Variants in LRBA observed in about 807,000 individuals in gnomAD.
LRBA encodes the protein lipopolysaccharide-responsive and beige-like anchor protein.
LRBA carries 176 observed loss-of-function variants against 330.0 expected under a neutral mutation model. The ratio of observed to expected loss-of-function variants is 0.53; its 90% CI spans 0.47 to 0.60. LRBA has a LOEUF of 0.60. LRBA is among the 20% of genes least tolerant of loss of function. The pLI is 0.00. For synonymous variants in LRBA, 1,230 were observed against 1,193.0 expected, an observed-to-expected ratio of 1.03 and a Z score of -0.64; for missense variants, 3,259 against 3,444.8, an observed-to-expected ratio of 0.95 and a Z score of 1.35.
At chr4:150,697,582 A>AT (rs1028848221) in intron 36 of LRBA, among the ~76,000 whole-genome samples, 17 of 151,236 alleles carry the variant, frequency 1.1e-4, no homozygotes, top group South Asian at 1.0e-3. Flanking sequence ...TAACTAATAC[A>AT]TTTTTTTTAC....
intron 56 of LRBA, among the ~76,000 whole-genome samples, chr4:150,266,407 C>A (rs1170694376): frequency 6.6e-6 from 1 of 152,220 alleles, no homozygotes; most frequent in Non-Finnish European, 1.5e-5. Context: ...ACCGAAATCA[C>A]TGAAGATAAG....
chr4:150,675,420 A>T lies in LRBA; in HGVS notation c.5921+8131T>A, dbSNP rs78950445. On this transcript the variant is annotated intron_variant, in intron 37 of 56. Transcript: ENST00000651943. Reference sequence around the variant, plus strand: ...TAAGATACGATGAGATAATCCTTATAAAAATACTTGGCACAGGGCTGGGCG... The same window carrying T: ...TAAGATACGATGAGATAATCCTTATTAAAATACTTGGCACAGGGCTGGGCG... 3.1e-3 allele frequency among the ~76,000 whole-genome samples: 475 copies of T among 152,252 alleles called. 2 individuals are homozygous for T. Among genetic ancestry groups the T allele is most frequent in the Non-Finnish European group, 4.8e-3 (328 of 68,006 alleles).
At chr4:150,519,113 C>T (rs1432080820) in intron 40 of LRBA, among the ~76,000 whole-genome samples, 1 of 151,942 alleles carries the variant, frequency 6.6e-6, no homozygotes, top group African/African-American at 2.4e-5. Context: ...AAGTCAATTC[C>T]TTATAATACA....
intron 40 of LRBA, among the ~76,000 whole-genome samples, chr4:150,576,682 T>A (rs1160135016): frequency 6.6e-6 from 1 of 151,936 alleles, no homozygotes; most frequent in African/African-American, 2.4e-5. Flanking sequence ...AATACAAGAA[T>A]TATATTTGTA....
intron 35 of LRBA, among the ~76,000 whole-genome samples, chr4:150,739,561 A>G (rs1731666184): frequency 1.3e-5 from 2 of 152,166 alleles, no homozygotes; most frequent in South Asian, 2.1e-4. Context: ...TTTAGAGTGT[A>G]AGAAGGAGAT....
chr4:150,642,358 T>C (rs1778764761), intron 37 of LRBA, among the ~76,000 whole-genome samples: 1 of 151,978 alleles, frequency 6.6e-6, no homozygotes, highest in African/African-American at 2.4e-5. Context: ...GATAAGCTTT[T>C]AAAATTAGTT....
chr4:150,685,755 T>G (rs1306752393), intron 36 of LRBA, among the ~76,000 whole-genome samples: 2 of 151,848 alleles, frequency 1.3e-5, no homozygotes, highest in African/African-American at 4.8e-5. Flanking sequence ...TATCTTAGTC[T>G]GTGCAAAACA....
At chr4:150,777,704 G>A (rs1737584139) in intron 34 of LRBA, among the ~76,000 whole-genome samples, 1 of 152,076 alleles carries the variant, frequency 6.6e-6, no homozygotes, top group Non-Finnish European at 1.5e-5. Flanking sequence ...AACTGGCCAG[G>A]TGCAGTGGCT....
rs375982773 is a variant in LRBA at position 150,645,260 on chromosome 4, G to A, written c.5921+38291C>T. On this transcript the variant is annotated intron_variant, in intron 37 of 56. Coordinates refer to ENST00000651943, the MANE Select transcript of LRBA (RefSeq NM_001364905.1). ...TATTATCACACACTAAATGGTTTTA[G>A]AAATTAGCTTTTACTGAAGACATAA... Among the ~76,000 whole-genome samples, 10 of 149,286 alleles carry A rather than the reference G, an allele frequency of 6.7e-5. No homozygotes were observed. In the East Asian group the frequency reaches 2.0e-3, roughly 29 times the overall value.
chr4:150,370,631 C>T (rs539281377), intron 47 of LRBA, among the ~76,000 whole-genome samples: 103 of 152,220 alleles, frequency 6.8e-4, no homozygotes, highest in African/African-American at 2.4e-3. Context: ...GGAAGTCTAA[C>T]ATAAAAGTGA....
chr4:150,982,258 A>G (rs1477798249), intron 2 of LRBA, among the ~76,000 whole-genome samples: 1 of 152,196 alleles, frequency 6.6e-6, no homozygotes, highest in Non-Finnish European at 1.5e-5. Flanking sequence ...CTCATTCTAT[A>G]ATAAATGTGC....
chr4:150,761,773 A>G lies in LRBA; in HGVS notation c.5645+10T>C. The G allele has an allele frequency of 6.6e-7, 1 of 1,513,014 alleles. No individual in the cohort carries two copies. Among genetic ancestry groups the G allele is most frequent in the Non-Finnish European group, 8.9e-7 (1 of 1,119,960 alleles). The allele number at this position is 1,513,014 out of a possible 1,614,324, so 93.7% of individuals were successfully genotyped here. A position where few individuals can be genotyped will look rare whatever the true frequency, so the allele number is the denominator to read the frequency against. On this transcript the variant is annotated intron_variant, in intron 35 of 56. Transcript: ENST00000651943. Reference sequence around the variant, plus strand: ...AAAAATACAAAATGAATTAAAATAAAATAAATTACCTTCCTTCATTGACAA... The same window carrying G: ...AAAAATACAAAATGAATTAAAATAAGATAAATTACCTTCCTTCATTGACAA...
Position 150,410,706 on chromosome 4 carries a change from T to C in LRBA, c.7194+4732A>G, listed in dbSNP as rs187357495. On this transcript the variant is annotated intron_variant, in intron 47 of 56. Transcript: ENST00000651943. Reference sequence around the variant, plus strand: ...TCTTATTCATCGAATCTAATAGTGCTGGTCCATAAGCAAGCACCCAATAAA... The same window carrying C: ...TCTTATTCATCGAATCTAATAGTGCCGGTCCATAAGCAAGCACCCAATAAA... Among the ~76,000 whole-genome samples the C allele has an allele frequency of 1.6e-4, 24 of 152,294 alleles. No individual in the cohort carries two copies. In the East Asian group the frequency reaches 4.1e-3, roughly 26 times the overall value.
At chr4:150,599,164 C>A in intron 37 of LRBA, 33 bp from the exon 38 acceptor site, 1 of 1,611,334 alleles carries the variant, frequency 6.2e-7, no homozygotes, top group South Asian at 1.1e-5. Flanking sequence ...CATATGTTAG[C>A]AATTATCAAA....
intron 52 of LRBA, 70 bp from the exon 53 acceptor site, chr4:150,302,862 G>T (rs1026205508): frequency 5.4e-5 from 62 of 1,148,312 alleles, no homozygotes; most frequent in Non-Finnish European, 6.6e-5. Context: ...CAGATAACTT[G>T]TAAAACAACG....
intron 36 of LRBA, among the ~76,000 whole-genome samples, chr4:150,723,563 G>A (rs988434061): frequency 1.3e-4 from 20 of 152,158 alleles, no homozygotes; most frequent in African/African-American, 3.9e-4. Flanking sequence ...CAGTGATAAC[G>A]AAGGGAATAT....
intron 34 of LRBA, among the ~76,000 whole-genome samples, chr4:150,763,660 A>T (rs972590168): frequency 2.7e-5 from 4 of 150,180 alleles, no homozygotes; most frequent in Admixed American, 2.0e-4. Context: ...GAAACCTCAA[A>T]TTTTTTTTTT....
chr4:150,288,269 G>A (rs1035214258), intron 53 of LRBA, among the ~76,000 whole-genome samples: 4 of 150,328 alleles, frequency 2.7e-5, no homozygotes, highest in African/African-American at 9.8e-5. Flanking sequence ...GTGAGCCACC[G>A]CGCCCAGCCA....
At chr4:150,910,594 T>A (rs62344597) in intron 9 of LRBA, among the ~76,000 whole-genome samples, 14,885 of 152,142 alleles carry the variant, frequency 0.098, 1,570 homozygotes, top group African/African-American at 0.27. Flanking sequence ...TTTGAAACCC[T>A]GAAGTGTAAA....
Sources: allele counts gnomAD v4.1 joint callset (sites outside exome capture counted in the v4.1 genomes callset), GRCh38; gene constraint gnomAD v4.1.1; transcripts MANE v1.5; gene names NCBI Gene and HGNC (gene_info 2026-07-23, HGNC 2026-07-21).